SNTG1: variants seen among roughly 807,000 people sequenced by gnomAD.
The protein encoded by SNTG1 is gamma-1-syntrophin.
SNTG1 carries 39 observed loss-of-function variants against 74.7 expected under a neutral mutation model. The ratio of observed to expected loss-of-function variants is 0.52; its 90% CI spans 0.40 to 0.68. The LOEUF is 0.68. Ranked by LOEUF, SNTG1 falls within the 30% of genes least tolerant of loss-of-function variation. The probability of loss-of-function intolerance (pLI) is 0.00; values close to 1 mark genes in which losing one functional copy is unlikely to be tolerated. For synonymous variants in SNTG1, 254 were observed against 217.1 expected (o/e 1.17, Z -1.49); for missense variants, 685 against 609.5 (o/e 1.12, Z -1.30).
chr8:50,731,782 A>G (rs752383801), intron 17 of SNTG1, among the ~76,000 whole-genome samples: 15 of 152,156 alleles, frequency 9.9e-5, no homozygotes, highest in Middle Eastern at 3.2e-3. Flanking sequence ...AATCTTAGGA[A>G]CAAAATATTG....
At chr8:50,712,768 T>A (rs2095465276) in intron 17 of SNTG1, among the ~76,000 whole-genome samples, 2 of 152,124 alleles carry the variant, frequency 1.3e-5, no homozygotes, top group Non-Finnish European at 2.9e-5. Flanking sequence ...GGTTTTCTGT[T>A]CCTGTCTTAG....
chr8:50,015,900 G>A (rs1201010550), intron 1 of SNTG1, among the ~76,000 whole-genome samples: 2 of 152,100 alleles, frequency 1.3e-5, no homozygotes, highest in Non-Finnish European at 2.9e-5. Context: ...GGCAGATGAA[G>A]CAAAACTTCA....
At chr8:50,124,157 G>C (rs1401497358) in intron 1 of SNTG1, among the ~76,000 whole-genome samples, 1 of 141,186 alleles carries the variant, frequency 7.1e-6, no homozygotes, top group African/African-American at 2.6e-5. Context: ...TATGCCTTGT[G>C]TCCTTATTAA....
intron 2 of SNTG1, among the ~76,000 whole-genome samples, chr8:50,191,990 A>G (rs1001652236): frequency 6.6e-6 from 1 of 152,084 alleles, no homozygotes; most frequent in Admixed American, 6.6e-5. Flanking sequence ...GCAAAAGAGG[A>G]TTTCCAAATA....
chr8:50,421,216 G>C (rs755223238), intron 4 of SNTG1, among the ~76,000 whole-genome samples: 1 of 152,074 alleles, frequency 6.6e-6, no homozygotes, highest in Non-Finnish European at 1.5e-5. Flanking sequence ...AATCCACAGA[G>C]TAAAATGAAA....
chr8:50,187,079 C>T (rs2083410809), intron 2 of SNTG1, among the ~76,000 whole-genome samples: 1 of 151,984 alleles, frequency 6.6e-6, no homozygotes, highest in Admixed American at 6.6e-5. Flanking sequence ...AGGAAGGGGT[C>T]CAGTTTCAGC....
chr8:49,986,596 T>G (rs1429873494), intron 1 of SNTG1, among the ~76,000 whole-genome samples: 1 of 151,680 alleles, frequency 6.6e-6, no homozygotes, highest in East Asian at 1.9e-4. Context: ...GGTTCATGCC[T>G]GTAATGTGGT....
rs143372243 is a variant in SNTG1 at position 50,000,373 on chromosome 8, A to G, written c.-103+88142A>G. 2.7e-3 allele frequency among the ~76,000 whole-genome samples: 411 copies of G among 152,226 alleles called. 1 individual carries two copies. The highest frequency in any genetic ancestry group is 9.4e-3 in the African/African-American group (391 of 41,548). ...ATTCCTCCGAGTTTTAAAATCACAG[A>G]ATGCTAGAAGTGCCTGTGTGTATTT... On this transcript the variant is annotated intron_variant, in intron 1 of 18. Transcript: ENST00000642720.
chr8:50,210,575 AACATTCTTAAAG>A (rs1298466195), intron 2 of SNTG1, among the ~76,000 whole-genome samples: 1 of 152,216 alleles, frequency 6.6e-6, no homozygotes, highest in African/African-American at 2.4e-5. Context: ...GCCAATATTC[AACATTCTTAAAG>A]ACAAGAATTT....
intron 2 of SNTG1, among the ~76,000 whole-genome samples, chr8:50,366,920 C>G (rs1419746729): frequency 6.9e-6 from 1 of 145,318 alleles, no homozygotes; most frequent in Non-Finnish European, 1.5e-5. Context: ...TAGTATAGGT[C>G]TATACTATAT....
intron 1 of SNTG1, among the ~76,000 whole-genome samples, chr8:50,145,426 C>G (rs1380795434): frequency 1.3e-5 from 2 of 152,228 alleles, no homozygotes; most frequent in African/African-American, 4.8e-5. Flanking sequence ...TCATACATAA[C>G]TATTTATTAT....
At chr8:50,337,968 C>T (rs1299299840) in intron 2 of SNTG1, among the ~76,000 whole-genome samples, 1 of 151,974 alleles carries the variant, frequency 6.6e-6, no homozygotes, top group Non-Finnish European at 1.5e-5. Flanking sequence ...AACCCCGTCT[C>T]TACTAAAAAT....
chr8:50,180,501 G>A (rs2083162325), intron 2 of SNTG1, among the ~76,000 whole-genome samples: 1 of 152,078 alleles, frequency 6.6e-6, no homozygotes, highest in Admixed American at 6.5e-5. Context: ...ACAATGTTGT[G>A]AATTTACTAA....
intron 4 of SNTG1, among the ~76,000 whole-genome samples, chr8:50,412,089 T>C (rs575040241): frequency 3.5e-4 from 53 of 152,350 alleles, no homozygotes; most frequent in African/African-American, 1.3e-3. Context: ...GGATACCTTA[T>C]TAACAGAGTT....
chr8:50,528,998 G>A (rs1404964404), intron 9 of SNTG1, among the ~76,000 whole-genome samples: 1 of 151,276 alleles, frequency 6.6e-6, no homozygotes, highest in Non-Finnish European at 1.5e-5. Context: ...AGATCATTAA[G>A]TTTATACCTA....
At chr8:50,075,799 T>C (rs2131037567) in intron 1 of SNTG1, among the ~76,000 whole-genome samples, 1 of 152,178 alleles carries the variant, frequency 6.6e-6, no homozygotes, top group South Asian at 2.1e-4. Context: ...ACGCGCCGCC[T>C]TAAGAGCTAT....
At chr8:50,243,584 G>A (rs117000006) in intron 2 of SNTG1, among the ~76,000 whole-genome samples, 1,836 of 152,156 alleles carry the variant, frequency 0.012, 16 homozygotes, top group Non-Finnish European at 0.019. Context: ...CATCTTCAGG[G>A]ACACAGAACT....
At chr8:50,071,834 G>GATTA (rs1821396197) in intron 1 of SNTG1, among the ~76,000 whole-genome samples, 2 of 148,448 alleles carry the variant, frequency 1.3e-5, no homozygotes, top group African/African-American at 4.9e-5. Flanking sequence ...AAAAACCTAA[G>GATTA]ATTAATTATG....
At chr8:49,952,354 T>C (rs1809798799) in intron 1 of SNTG1, among the ~76,000 whole-genome samples, 1 of 152,144 alleles carries the variant, frequency 6.6e-6, no homozygotes, top group Non-Finnish European at 1.5e-5. Flanking sequence ...AAGACCTCCC[T>C]CTAAGGGTGA....
Sources: gnomAD v4.1 joint callset for allele counts (sites outside exome capture counted in the v4.1 genomes callset) on GRCh38, gnomAD v4.1.1 for gene constraint, MANE v1.5 for transcripts, NCBI Gene and HGNC (gene_info 2026-07-23, HGNC 2026-07-21) for gene names.